The following NXNL2 variants were observed in gnomAD, a reference collection of about 807,000 sequenced individuals.
The protein encoded by NXNL2 is nucleoredoxin like 2, also known as nucleoredoxin-like protein 2.
A neutral mutation model predicts 11.1 loss-of-function variants in NXNL2; 7 were observed. The ratio of observed to expected loss-of-function variants is 0.63; its 90% CI spans 0.36 to 1.18. NXNL2 has a LOEUF of 1.18. NXNL2 is among the 50% of genes most tolerant of loss of function. NXNL2 has a pLI of 0.02. For synonymous variants in NXNL2, 109 were observed against 101.8 expected, an observed-to-expected ratio of 1.07 and a Z score of -0.42; for missense variants, 233 against 217.7, an observed-to-expected ratio of 1.07 and a Z score of -0.44.
chr9:88,565,785 C>T (rs925676423), intron 1 of NXNL2, among the ~76,000 whole-genome samples: 1 of 152,198 alleles, frequency 6.6e-6, no homozygotes, highest in African/African-American at 2.4e-5. Context: ...GATCCACCCA[C>T]CTTGGTCTCC....
At chr9:88,577,661 C>T (rs1008787530), downstream of NXNL2, among the ~76,000 whole-genome samples, 6 of 151,762 alleles carry the variant, frequency 4.0e-5, no homozygotes, top group East Asian at 1.9e-4. Context: ...AGCGAGCGAG[C>T]GCAGCACCGT....
intron 1 of NXNL2, chr9:88,539,698 A>G (rs1029745321): frequency 1.4e-5 from 2 of 141,334 alleles, no homozygotes; most frequent in Non-Finnish European, 3.2e-5. Context: ...TTTCTTTTTT[A>G]TTTTCTGAGA....
chr9:88,535,806 T>A, intron 1 of NXNL2, 70 bp downstream of exon 1: 1 of 1,286,382 alleles, frequency 7.8e-7, no homozygotes, highest in South Asian at 1.5e-5. Flanking sequence ...GGCCTCCCCC[T>A]CTGCACTGGG....
At chr9:88,573,576 G>A (rs1358556870) in intron 2 of NXNL2, among the ~76,000 whole-genome samples, 1 of 152,168 alleles carries the variant, frequency 6.6e-6, no homozygotes, top group Admixed American at 6.5e-5. Context: ...TCACACTAGG[G>A]GATTGAAGAG....
At chr9:88,548,145 C>T (rs1386225539), downstream of NXNL2, among the ~76,000 whole-genome samples, 6 of 150,946 alleles carry the variant, frequency 4.0e-5, no homozygotes, top group East Asian at 1.2e-3. Flanking sequence ...TCAAGACCAG[C>T]CTGGACAACA....
At chr9:88,547,651 A>G (rs933021682), downstream of NXNL2, among the ~76,000 whole-genome samples, 2 of 152,216 alleles carry the variant, frequency 1.3e-5, no homozygotes, top group Non-Finnish European at 2.9e-5. Context: ...AGTCATCTCC[A>G]CTTTGCCAGC....
intron 1 of NXNL2, among the ~76,000 whole-genome samples, chr9:88,566,995 T>TCTATCTATCTATCTATCTACCTAC (rs1554706804): frequency 1.3e-5 from 2 of 150,282 alleles, no homozygotes; most frequent in African/African-American, 5.0e-5. Context: ...TATCTATCTA[T>TCTATCTATCTATCTATCTACCTAC]CTATCTATCT....
In NXNL2 at chr9:88,535,311, T is replaced by G; in HGVS notation, c.-124T>G. The G allele has an allele frequency of 3.1e-6, 3 of 983,176 alleles. No homozygotes were observed. The highest frequency in any genetic ancestry group is 4.4e-6 in the Non-Finnish European group (3 of 688,446). The allele number at this position is 983,176 out of a possible 1,614,324, so 60.9% of individuals were successfully genotyped here. A position where few individuals can be genotyped will look rare whatever the true frequency, so the allele number is the denominator to read the frequency against. ...GTGTGGGCGCATCTGGGGCAGGTCTTGAGAGGTCCAGCGCCCGGTGGTGCG... is the reference window on the plus strand; with the variant it reads ...GTGTGGGCGCATCTGGGGCAGGTCTGGAGAGGTCCAGCGCCCGGTGGTGCG... On this transcript the variant is annotated 5_prime_UTR_variant, in exon 1 of 2. Coordinates refer to ENST00000375854, the MANE Select transcript of NXNL2 (RefSeq NM_001161625.2).
exon 3 of NXNL2, chr9:88,575,255 CGA>C: frequency 1.4e-6 from 1 of 691,156 alleles, no homozygotes; most frequent in Non-Finnish European, 1.8e-6. Context: ...GGTATATACC[CGA>C]AAGAAAGGAA....
At chr9:88,539,335 G>C (rs1454699951) in intron 1 of NXNL2, among the ~76,000 whole-genome samples, 2 of 152,124 alleles carry the variant, frequency 1.3e-5, no homozygotes, top group African/African-American at 4.8e-5. Context: ...CGGACCTGGG[G>C]GTGCTCAGGA....
At chr9:88,558,672 C>T (rs1379832438) in intron 1 of NXNL2, among the ~76,000 whole-genome samples, 5 of 152,128 alleles carry the variant, frequency 3.3e-5, no homozygotes, top group Admixed American at 6.5e-5. Flanking sequence ...ATATCCCAAC[C>T]TGCCTGCTAA....
chr9:88,568,396 G>A (rs753816830), intron 1 of NXNL2, among the ~76,000 whole-genome samples: 55 of 152,136 alleles, frequency 3.6e-4, no homozygotes, highest in Non-Finnish European at 2.8e-4. Flanking sequence ...CGGGGGTGTC[G>A]TCCCTGGCCA....
At chr9:88,560,518 A>G (rs1047848897) in intron 1 of NXNL2, among the ~76,000 whole-genome samples, 69 of 152,148 alleles carry the variant, frequency 4.5e-4, no homozygotes, top group African/African-American at 1.4e-3. Context: ...ATGAAGCGTA[A>G]CAGAATCAGT....
At chr9:88,539,571 T>C (rs1342031312) in intron 1 of NXNL2, 2 of 152,376 alleles carry the variant, frequency 1.3e-5, no homozygotes, top group Non-Finnish European at 2.9e-5. Flanking sequence ...GATGCTAAAA[T>C]AACCCATTTG....
downstream of NXNL2, among the ~76,000 whole-genome samples, chr9:88,576,319 C>T (rs909609427): frequency 3.9e-5 from 6 of 152,250 alleles, no homozygotes; most frequent in African/African-American, 1.2e-4. Flanking sequence ...CAAGGTTTCT[C>T]GACTCCTTTT....
At chr9:88,540,281 G>C (rs1287098614) in intron 1 of NXNL2, among the ~76,000 whole-genome samples, 2 of 151,312 alleles carry the variant, frequency 1.3e-5, no homozygotes, top group Non-Finnish European at 2.9e-5. Flanking sequence ...GCAGTGAGCC[G>C]AGATTGTACC....
intron 1 of NXNL2, among the ~76,000 whole-genome samples, 185 bp from the exon 2 acceptor site, chr9:88,544,194 A>G (rs1829814780): frequency 6.6e-6 from 1 of 152,082 alleles, no homozygotes; most frequent in South Asian, 2.1e-4. Context: ...GAAAAAGAAA[A>G]AGAAATAGTA....
rs143450126 is a variant in NXNL2, at chr9:88,540,042, G to T, written c.302+4306G>T. Reference sequence around the variant, plus strand: ...ATTGCTTAGGCATTTTAAATTTTAGGTGTTGTGCGGCCGGGCGTGGTGGCT... The same window carrying T: ...ATTGCTTAGGCATTTTAAATTTTAGTTGTTGTGCGGCCGGGCGTGGTGGCT... On this transcript the variant is annotated intron_variant, in intron 1 of 1. Coordinates refer to ENST00000375854, the MANE Select transcript of NXNL2 (RefSeq NM_001161625.2). 7.6e-3 allele frequency among the ~76,000 whole-genome samples: 1,152 copies of T among 151,980 alleles called. 14 individuals carry two copies. Among genetic ancestry groups the T allele is most frequent in the African/African-American group, 0.023 (966 of 41,482 alleles).
intron 1 of NXNL2, among the ~76,000 whole-genome samples, chr9:88,556,715 G>T (rs1449258625): frequency 6.6e-6 from 1 of 152,096 alleles, no homozygotes; most frequent in Admixed American, 6.6e-5. Context: ...CTAGGAATTT[G>T]TCTGCCTTCT....
Sources: allele counts gnomAD v4.1 joint callset (sites outside exome capture counted in the v4.1 genomes callset), GRCh38; gene constraint gnomAD v4.1.1; transcripts MANE v1.5; gene names NCBI Gene and HGNC (gene_info 2026-07-23, HGNC 2026-07-21).